Variants in BCAS3 observed in about 807,000 individuals in gnomAD.
The protein encoded by BCAS3 is BCAS3 microtubule associated cell migration factor.
In BCAS3, 53 loss-of-function variants were observed where a neutral mutation model predicts 116.1. The observed-to-expected ratio is 0.46, with a 90% CI of 0.37 to 0.57. The LOEUF is 0.57. BCAS3 is among the 20% of genes least tolerant of loss of function. The probability of loss-of-function intolerance (pLI) is 0.00; values close to 1 mark genes in which losing one functional copy is unlikely to be tolerated. For synonymous variants in BCAS3, 391 were observed against 408.2 expected, an observed-to-expected ratio of 0.96 and a Z score of 0.51; for missense variants, 917 against 1,165.4, an observed-to-expected ratio of 0.79 and a Z score of 3.10.
intron 16 of BCAS3, among the ~76,000 whole-genome samples, chr17:61,030,477 G>A (rs1191071756): frequency 6.6e-6 from 1 of 152,030 alleles, no homozygotes. Context: ...AAGGCCAAGG[G>A]AAGAAAAATG....
At chr17:61,295,323 A>G (rs2052787877) in intron 22 of BCAS3, among the ~76,000 whole-genome samples, 2 of 152,190 alleles carry the variant, frequency 1.3e-5, no homozygotes, top group Non-Finnish European at 2.9e-5. Context: ...GGAGCAGGTG[A>G]TACGCAAAGA....
intron 14 of BCAS3, among the ~76,000 whole-genome samples, chr17:60,965,789 A>G (rs1330931305): frequency 6.6e-6 from 1 of 152,214 alleles, no homozygotes; most frequent in African/African-American, 2.4e-5. Context: ...AGAATGTCCC[A>G]TGTGCTAGTA....
chr17:61,245,393 T>G (rs1416980517), intron 22 of BCAS3: 1 of 152,080 alleles, frequency 6.6e-6, no homozygotes, highest in Non-Finnish European at 1.5e-5. Flanking sequence ...TTTTTATTTA[T>G]TTTTTAGAGA....
At chr17:61,293,787 G>A (rs1428489945) in intron 22 of BCAS3, among the ~76,000 whole-genome samples, 1 of 152,176 alleles carries the variant, frequency 6.6e-6, no homozygotes, top group Non-Finnish European at 1.5e-5. Flanking sequence ...TTCAGACAGG[G>A]TCTCACTCTG....
At chr17:61,370,622 C>T (rs776339634) in intron 23 of BCAS3, among the ~76,000 whole-genome samples, 13 of 152,308 alleles carry the variant, frequency 8.5e-5, no homozygotes, top group Non-Finnish European at 1.5e-4. Context: ...CTCCTGACCT[C>T]GTGATCCGCC....
intron 6 of BCAS3, among the ~76,000 whole-genome samples, chr17:60,797,104 C>T (rs2047281396): frequency 1.3e-5 from 2 of 151,978 alleles, no homozygotes; most frequent in Admixed American, 1.3e-4. Context: ...CCACCTTGGC[C>T]AGGCTGGTCT....
At chr17:60,703,000 C>T (rs970314595) in intron 4 of BCAS3, among the ~76,000 whole-genome samples, 15 of 151,620 alleles carry the variant, frequency 9.9e-5, no homozygotes, top group Admixed American at 8.6e-4. Context: ...GCAGGCTGGG[C>T]GCGGTGGCTC....
At chr17:60,906,672 A>G (rs1321108282) in intron 11 of BCAS3, among the ~76,000 whole-genome samples, 1 of 152,220 alleles carries the variant, frequency 6.6e-6, no homozygotes, top group African/African-American at 2.4e-5. Flanking sequence ...GCAGCATTTT[A>G]CAAAAATATT....
At chr17:61,295,822 A>T (rs1320179468) in intron 22 of BCAS3, among the ~76,000 whole-genome samples, 1 of 151,606 alleles carries the variant, frequency 6.6e-6, no homozygotes, top group Non-Finnish European at 1.5e-5. Flanking sequence ...GGGCGTGGTG[A>T]TGCACATCTG....
chr17:61,321,296 G>A (rs1249142491), intron 22 of BCAS3, among the ~76,000 whole-genome samples: 1 of 152,156 alleles, frequency 6.6e-6, no homozygotes, highest in Admixed American at 6.5e-5. Context: ...AGGACAGAGC[G>A]TTAGCAAAAG....
chr17:60,958,237 C>T (rs1425603217), intron 14 of BCAS3, among the ~76,000 whole-genome samples: 1 of 152,126 alleles, frequency 6.6e-6, no homozygotes, highest in East Asian at 1.9e-4. Context: ...CAGAGATCTG[C>T]AGAGGAGACA....
In BCAS3 at chr17:61,015,860, C is replaced by A; in HGVS notation, c.1596C>A (p.Ile532=). 6.2e-7 allele frequency: 1 copy of A among 1,614,158 alleles called. No homozygotes were observed. Among genetic ancestry groups the A allele is most frequent in the Non-Finnish European group, 8.5e-7 (1 of 1,179,988 alleles). The change falls in exon 16 of 24, where the codon ATC becomes ATA. Residue 532 remains isoleucine, a synonymous_variant. Transcript: ENST00000407086. ...SLMVVMPLAQ[I]KQPMTLGTIT... is the part of the protein sequence containing the mutation. ...TGGTAGTGATGCCTCTTGCACAAAT[C>A]AAGCAGCCAATGACATTGGGGACCA...
intron 9 of BCAS3, among the ~76,000 whole-genome samples, chr17:60,886,147 T>A (rs2144977038): frequency 7.0e-6 from 1 of 142,050 alleles, no homozygotes; most frequent in South Asian, 2.5e-4. Flanking sequence ...CTCATTTCTT[T>A]TTATTCGTTT....
chr17:60,857,634 A>T (rs1399597055), intron 7 of BCAS3, among the ~76,000 whole-genome samples: 1 of 152,204 alleles, frequency 6.6e-6, no homozygotes, highest in African/African-American at 2.4e-5. Flanking sequence ...CCCATGAGGA[A>T]AATTAAGATT....
intron 14 of BCAS3, among the ~76,000 whole-genome samples, chr17:60,972,199 T>C (rs1449446907): frequency 6.6e-6 from 1 of 152,186 alleles, no homozygotes; most frequent in Non-Finnish European, 1.5e-5. Context: ...ATACCAGTTA[T>C]ATATTCACCA....
intron 22 of BCAS3, among the ~76,000 whole-genome samples, chr17:61,202,442 C>G (rs1356079308): frequency 6.6e-6 from 1 of 152,164 alleles, no homozygotes; most frequent in East Asian, 1.9e-4. Context: ...CCCTTGAAGC[C>G]TTAACACTCT....
chr17:60,996,704 A>G (rs1250825718), intron 15 of BCAS3, among the ~76,000 whole-genome samples: 2 of 152,184 alleles, frequency 1.3e-5, no homozygotes, highest in African/African-American at 2.4e-5. Flanking sequence ...GGTAGCTGAA[A>G]CAAAAATGAG....
chr17:60,879,340 A>G (rs1001841351), intron 9 of BCAS3, among the ~76,000 whole-genome samples: 4 of 152,232 alleles, frequency 2.6e-5, no homozygotes, highest in African/African-American at 9.6e-5. Flanking sequence ...TGTGAATACA[A>G]TGAAGGGACT....
Position 61,007,209 on chromosome 17 carries a change from A to T in BCAS3, c.1487-8542A>T, listed in dbSNP as rs2064777568. ...TTTTCCCTTTGTGTTCTTGCATTTT[A>T]TAAACATTGTTTCTAACTGTTGATT... On this transcript the variant is annotated intron_variant, in intron 15 of 23. Coordinates refer to ENST00000407086, the MANE Select transcript of BCAS3 (RefSeq NM_017679.5). This position sits in a 1 kb window ranked among gnomAD's most constrained non-coding sequence, Gnocchi z 4.3. 6.6e-6 allele frequency among the ~76,000 whole-genome samples: 1 copy of T among 151,984 alleles called. No individual in the cohort carries two copies. Among genetic ancestry groups the T allele is most frequent in the South Asian group, 2.1e-4 (1 of 4,824 alleles).
Sources: allele counts gnomAD v4.1 joint callset (sites outside exome capture counted in the v4.1 genomes callset), GRCh38; gene constraint gnomAD v4.1.1; non-coding constraint Gnocchi (gnomAD v3.1); transcripts MANE v1.5; gene names NCBI Gene and HGNC (gene_info 2026-07-23, HGNC 2026-07-21).